HEATR4: variants seen among roughly 807,000 people sequenced by gnomAD.
HEATR4 encodes HEAT repeat-containing protein 4.
Under a neutral mutation model 108.8 loss-of-function variants are expected in HEATR4, and 95 were observed. The observed-to-expected ratio is 0.87, with a 90% confidence interval of 0.74 to 1.04. The LOEUF is 1.04. HEATR4 is among the 50% of genes least tolerant of loss of function. HEATR4 has a pLI of 0.00. For missense variants in HEATR4, 1,152 were observed against 1,253.8 expected (o/e 0.92, Z 1.23); for synonymous variants, 443 against 459.4 (o/e 0.96, Z 0.46).
chr14:73,556,177 A>G lies in HEATR4; in HGVS notation c.-152+2574T>C, dbSNP rs1420359050. Among the ~76,000 whole-genome samples, 3 of 112,784 alleles carry G rather than the reference A, an allele frequency of 2.7e-5. 1 individual carries two copies. The highest frequency in any genetic ancestry group is 1.0e-4 in the Admixed American group (1 of 10,004). The allele number at this position is 112,784 out of a possible 152,430, so 74.0% of individuals were successfully genotyped here. A position where few individuals can be genotyped will look rare whatever the true frequency, so the allele number is the denominator to read the frequency against. ...GGTGGCTCACGCCTGTAATCCCAAC[A>G]CTTTGGGAGGCTGAGGCAGGCAGAT... On this transcript the variant is annotated intron_variant, in intron 1 of 17. Coordinates refer to ENST00000553558, the MANE Select transcript of HEATR4 (RefSeq NM_001220484.1).
the HEATR4 span, among the ~76,000 whole-genome samples, chr14:73,608,644 C>T: frequency 6.6e-6 from 1 of 152,214 alleles, no homozygotes; most frequent in African/African-American, 2.4e-5. Flanking sequence ...ACGGTGCCAA[C>T]TGCTGCCTGT....
the HEATR4 span, chr14:73,619,510 A>G: frequency 1.2e-6 from 2 of 1,614,246 alleles, no homozygotes; most frequent in Non-Finnish European, 1.7e-6. Context: ...TCCATTGGAA[A>G]AGGCGCAGGT....
chr14:73,581,230 T>C, the HEATR4 span: 1 of 151,376 alleles, frequency 6.6e-6, no homozygotes, highest in African/African-American at 2.4e-5. Flanking sequence ...ACAACAGAAA[T>C]GTATTGCTCA....
At chr14:73,493,010 T>C in intron 17 of HEATR4, 56 bp downstream of exon 17, 1 of 1,583,358 alleles carries the variant, frequency 6.3e-7, no homozygotes, top group Non-Finnish European at 8.5e-7. Flanking sequence ...TTTTTTTTTT[T>C]TTTTTCCTTA....
the HEATR4 span, among the ~76,000 whole-genome samples, chr14:73,603,383 T>A: frequency 2.0e-5 from 3 of 152,122 alleles, no homozygotes; most frequent in South Asian, 6.2e-4. Flanking sequence ...TGAGATGGAG[T>A]CTTGCTCTGT....
chr14:73,479,073 GGATTACAGGC>G (rs1320008670), intron 17 of HEATR4, among the ~76,000 whole-genome samples: 2 of 151,876 alleles, frequency 1.3e-5, no homozygotes, highest in East Asian at 3.9e-4. Context: ...GAAGCAGCTG[GGATTACAGGC>G]GCCCGCCACC....
the HEATR4 span, among the ~76,000 whole-genome samples, chr14:73,608,963 T>A: frequency 6.6e-6 from 1 of 152,152 alleles, no homozygotes; most frequent in Non-Finnish European, 1.5e-5. Flanking sequence ...ACTCACTCAC[T>A]ATCACCAGAA....
rs550672386 is a variant in HEATR4, at chr14:73,550,986, G to A, written c.-152+7765C>T. The stretch of plus-strand genomic sequence containing the variant: ...AGCCTGGCCAACATAGTGAAACACC[G>A]TCTGTACTAAAAATACAAAAATTAG... On this transcript the variant is annotated intron_variant, in intron 1 of 17. Coordinates refer to ENST00000553558, the MANE Select transcript of HEATR4 (RefSeq NM_001220484.1). 1.6e-3 allele frequency among the ~76,000 whole-genome samples: 177 copies of A among 113,834 alleles called. 37 individuals carry two copies. The highest frequency in any genetic ancestry group is 4.7e-3 in the African/African-American group (165 of 35,146). The allele number at this position is 113,834 out of a possible 152,430, so 74.7% of individuals were successfully genotyped here. A position where few individuals can be genotyped will look rare whatever the true frequency, so the allele number is the denominator to read the frequency against.
the HEATR4 span, among the ~76,000 whole-genome samples, chr14:73,601,898 C>T: frequency 6.6e-6 from 1 of 150,558 alleles, no homozygotes. Flanking sequence ...CTGGTTATTT[C>T]TGTGGTCTAC....
At chr14:73,491,354 C>CCGGTCCG in intron 17 of HEATR4, 1 of 1,432,146 alleles carries the variant, frequency 7.0e-7, no homozygotes, top group Non-Finnish European at 9.1e-7. Flanking sequence ...GCCCGCCGCG[C>CCGGTCCG]GCTCCCTGCA....
rs769788111 is a variant in HEATR4, at chr14:73,519,127, CTCTT to C, written c.1102_1105del (p.Lys368GlufsTer9). 1.2e-6 allele frequency: 2 copies of C among 1,613,690 alleles called. No individual in the cohort carries two copies. The highest frequency in any genetic ancestry group is 1.7e-5 in the Admixed American group (1 of 59,960). ...TAGGTTTTCCAGGACAATCTGGTCT[CTCTT>C]TGCACCAATCTGGTGGATGATCTGG... On this transcript the variant is annotated frameshift_variant, in exon 5 of 18. Transcript: ENST00000553558. LOFTEE classifies it high-confidence loss of function.
intron 10 of HEATR4, among the ~76,000 whole-genome samples, chr14:73,505,436 G>A (rs931607903): frequency 5.9e-5 from 9 of 151,330 alleles, no homozygotes; most frequent in South Asian, 2.1e-4. Context: ...TCGCACTGTC[G>A]CCCAGGCTGG....
chr14:73,498,430 T>C, intron 13 of HEATR4, 86 bp from the exon 14 acceptor site: 2 of 1,189,380 alleles, frequency 1.7e-6, no homozygotes, highest in South Asian at 1.5e-5. Flanking sequence ...TTGCAAACAA[T>C]ACCTTCCCTT....
chr14:73,525,327 T>A (rs1595139187), intron 2 of HEATR4, among the ~76,000 whole-genome samples: 1 of 152,276 alleles, frequency 6.6e-6, no homozygotes, highest in Non-Finnish European at 1.5e-5. Flanking sequence ...GCTACAGCAC[T>A]CAGCAAAGGC....
chr14:73,525,771 G>C (rs1378631525), intron 2 of HEATR4, among the ~76,000 whole-genome samples: 1 of 152,080 alleles, frequency 6.6e-6, no homozygotes, highest in Non-Finnish European at 1.5e-5. Flanking sequence ...TGGCCAACAT[G>C]GAGAAACCCC....
chr14:73,493,015 T>TTC (rs1555388541), intron 17 of HEATR4, 51 bp downstream of exon 17: 172 of 1,572,500 alleles, frequency 1.1e-4, no homozygotes, highest in Non-Finnish European at 1.3e-4. Context: ...TTTTTTTTTT[T>TTC]CCTTAAACTC....
chr14:73,527,166 C>G (rs541200742), intron 2 of HEATR4: 7 of 152,018 alleles, frequency 4.6e-5, no homozygotes, highest in Admixed American at 1.3e-4. Context: ...ATATAGAAAG[C>G]CTTCTCAAGG....
At chr14:73,610,641 G>A in the HEATR4 span, among the ~76,000 whole-genome samples, 1 of 152,222 alleles carries the variant, frequency 6.6e-6, no homozygotes. Flanking sequence ...AGATCCTGGG[G>A]GTCTGGAGGG....
At chr14:73,572,926 G>A in the HEATR4 span, among the ~76,000 whole-genome samples, 10 of 151,262 alleles carry the variant, frequency 6.6e-5, no homozygotes, top group African/African-American at 2.5e-4. Flanking sequence ...GGTTACAGGC[G>A]TGAGCCACCG....
Sources: gnomAD v4.1 joint callset for allele counts (sites outside exome capture counted in the v4.1 genomes callset) on GRCh38, gnomAD v4.1.1 for gene constraint, MANE v1.5 for transcripts, NCBI Gene and HGNC (gene_info 2026-07-23, HGNC 2026-07-21) for gene names.